Variants in CTNNA2 observed in about 807,000 individuals in gnomAD.
CTNNA2 encodes catenin alpha-2.
CTNNA2 carries 42 observed loss-of-function variants against 101.0 expected under a neutral mutation model. The observed-to-expected ratio is 0.42, with a 90% CI of 0.32 to 0.54. The LOEUF (loss-of-function observed/expected upper bound fraction) is 0.54. Among genes scored for constraint, CTNNA2 ranks in the 20% least tolerant of loss-of-function variants. CTNNA2 has a pLI of 0.14. For synonymous variants in CTNNA2, 450 were observed against 456.4 expected, an observed-to-expected ratio of 0.99 and a Z score of 0.18; for missense variants, 871 against 1,223.1, an observed-to-expected ratio of 0.71 and a Z score of 4.29.
intron 7 of CTNNA2, among the ~76,000 whole-genome samples, chr2:80,048,994 G>C (rs535670221): frequency 6.6e-6 from 1 of 152,280 alleles, no homozygotes; most frequent in African/African-American, 2.4e-5. Context: ...GCTGGGGCTG[G>C]AACCAAGTCA....
At chr2:80,360,544 A>T (rs1674301928) in intron 7 of CTNNA2, among the ~76,000 whole-genome samples, 1 of 152,132 alleles carries the variant, frequency 6.6e-6, no homozygotes, top group African/African-American at 2.4e-5. Context: ...GGAGCATCTT[A>T]GACTAATTTT....
chr2:80,179,822 C>A (rs1705656966), intron 7 of CTNNA2, among the ~76,000 whole-genome samples: 1 of 152,194 alleles, frequency 6.6e-6, no homozygotes, highest in South Asian at 2.1e-4. Flanking sequence ...TCCATACTAG[C>A]CGTCATCTTA....
intron 7 of CTNNA2, among the ~76,000 whole-genome samples, chr2:80,277,729 G>A (rs1674030334): frequency 6.6e-6 from 1 of 152,022 alleles, no homozygotes; most frequent in Non-Finnish European, 1.5e-5. Flanking sequence ...TGAATATTTG[G>A]TTATAGGGAA....
At chr2:80,152,023 A>G (rs777605195) in intron 7 of CTNNA2, among the ~76,000 whole-genome samples, 1 of 152,232 alleles carries the variant, frequency 6.6e-6, no homozygotes, top group Non-Finnish European at 1.5e-5. Context: ...GGCCACTTGT[A>G]TGTCTCCCTC....
chr2:79,573,371 G>C (rs1318368668), intron 1 of CTNNA2, among the ~76,000 whole-genome samples: 1 of 152,190 alleles, frequency 6.6e-6, no homozygotes, highest in Non-Finnish European at 1.5e-5. Flanking sequence ...TGCAATTAAA[G>C]ATATCTCCTG....
chr2:79,994,194 G>T (rs1027997693), intron 7 of CTNNA2, among the ~76,000 whole-genome samples: 9 of 152,120 alleles, frequency 5.9e-5, no homozygotes, highest in African/African-American at 2.2e-4. Context: ...TGGGATTATA[G>T]GCATGAGCCA....
At chr2:80,003,777 G>C (rs1461568114) in intron 7 of CTNNA2, among the ~76,000 whole-genome samples, 1 of 152,136 alleles carries the variant, frequency 6.6e-6, no homozygotes, top group Non-Finnish European at 1.5e-5. Context: ...GATTTCTTAT[G>C]AGTAAAACAG....
Position 80,016,699 on chromosome 2 carries a change from C to T in CTNNA2, c.1056+106902C>T, listed in dbSNP as rs1694174567. ...TAACTAACTCCTTTTATGTATTTAC[C>T]AGGAACATTTTTGTCTTTTGGTTGG... On this transcript the variant is annotated intron_variant, in intron 7 of 18. Transcript: ENST00000402739. Among the ~76,000 whole-genome samples the T allele has an allele frequency of 3.3e-5, 5 of 152,122 alleles. No homozygotes were observed. The South Asian group carries it at 1.0e-3, about 32-fold the overall frequency.
At chr2:80,037,933 T>C (rs1422584413) in intron 7 of CTNNA2, among the ~76,000 whole-genome samples, 1 of 152,200 alleles carries the variant, frequency 6.6e-6, no homozygotes. Context: ...ATGTGTGAAA[T>C]ATAGTAAATG....
chr2:80,057,238 C>T (rs905226995), intron 7 of CTNNA2, among the ~76,000 whole-genome samples: 6 of 151,426 alleles, frequency 4.0e-5, no homozygotes, highest in Non-Finnish European at 5.9e-5. Context: ...AGACCTCCCC[C>T]TGCCATACCC....
At chr2:79,211,354 G>C (rs981547009) in intron 2 of CTNNA2, among the ~76,000 whole-genome samples, 1 of 152,276 alleles carries the variant, frequency 6.6e-6, no homozygotes, top group East Asian at 1.9e-4. Flanking sequence ...TTTCATGCGC[G>C]TCCGTGAGAA....
intron 7 of CTNNA2, among the ~76,000 whole-genome samples, chr2:80,092,668 T>A (rs1253874998): frequency 6.6e-6 from 1 of 151,738 alleles, no homozygotes; most frequent in African/African-American, 2.4e-5. Flanking sequence ...TTGCCATGGT[T>A]ACAAACTGCT....
intron 2 of CTNNA2, among the ~76,000 whole-genome samples, chr2:79,305,371 C>CATATATATATATATATATATATATATAT (rs1676214570): frequency 7.3e-6 from 1 of 136,100 alleles, no homozygotes; most frequent in African/African-American, 2.8e-5. Flanking sequence ...CATATATATA[C>CATATATATATATATATATATATATATAT]ACATATATAT....
chr2:79,510,875 T>C (rs900933672), upstream of CTNNA2, among the ~76,000 whole-genome samples: 2 of 152,256 alleles, frequency 1.3e-5, no homozygotes, highest in Non-Finnish European at 2.9e-5. Context: ...AATCTCATTT[T>C]GACTAGACAG....
At chr2:79,292,261 C>T (rs555777137) in intron 2 of CTNNA2, among the ~76,000 whole-genome samples, 2 of 152,134 alleles carry the variant, frequency 1.3e-5, no homozygotes, top group Non-Finnish European at 2.9e-5. Context: ...TGAGGAGTAA[C>T]CAGGGCTACA....
chr2:79,342,412 G>A (rs1323675253), intron 3 of CTNNA2, among the ~76,000 whole-genome samples: 1 of 152,178 alleles, frequency 6.6e-6, no homozygotes, highest in Non-Finnish European at 1.5e-5. Flanking sequence ...TATGGGTCTT[G>A]ACTAGGGGAA....
chr2:79,636,294 A>AAAAAAAG (rs1680060786), intron 1 of CTNNA2, among the ~76,000 whole-genome samples: 4 of 131,628 alleles, frequency 3.0e-5, no homozygotes, highest in African/African-American at 1.2e-4. Context: ...AAAAAAAAAA[A>AAAAAAAG]AAAAAGGAAG....
chr2:80,237,196 G>T (rs1027266248), intron 7 of CTNNA2, among the ~76,000 whole-genome samples: 3 of 152,094 alleles, frequency 2.0e-5, no homozygotes, highest in Non-Finnish European at 4.4e-5. Flanking sequence ...ATTGAGTCAA[G>T]CATATGGAGA....
chr2:79,519,658 A>C (rs1219895718), intron 1 of CTNNA2, among the ~76,000 whole-genome samples: 1 of 152,162 alleles, frequency 6.6e-6, no homozygotes, highest in Admixed American at 6.5e-5. Flanking sequence ...TTGAAACATA[A>C]ACTTCTGCTG....
Sources: allele counts gnomAD v4.1 joint callset (sites outside exome capture counted in the v4.1 genomes callset), GRCh38; gene constraint gnomAD v4.1.1; transcripts MANE v1.5; gene names NCBI Gene and HGNC (gene_info 2026-07-23, HGNC 2026-07-21).